The following LOC400499 variants were observed in gnomAD, a reference collection of about 807,000 sequenced individuals.
At chr16:11,379,206 C>G in the LOC400499 span, among the ~76,000 whole-genome samples, 5 of 152,200 alleles carry the variant, frequency 3.3e-5, no homozygotes, top group African/African-American at 1.2e-4. Flanking sequence ...CGTTATCATG[C>G]CACTGCACTC....
At chr16:11,409,029 G>C in the LOC400499 span, among the ~76,000 whole-genome samples, 1 of 151,998 alleles carries the variant, frequency 6.6e-6, no homozygotes, top group Non-Finnish European at 1.5e-5. Flanking sequence ...GGGAGGCTGA[G>C]GTGGGCAGAT....
At chr16:11,483,912 T>A in the LOC400499 span, among the ~76,000 whole-genome samples, 1 of 150,668 alleles carries the variant, frequency 6.6e-6, no homozygotes, top group Admixed American at 6.6e-5. Context: ...TTACATAATA[T>A]TCTAGAATAT....
At chr16:11,471,728 C>A in the LOC400499 span, 1 of 399,160 alleles carries the variant, frequency 2.5e-6, no homozygotes, top group Non-Finnish European at 4.4e-6. Flanking sequence ...AGCGTCACGG[C>A]CGCGAACACA....
the LOC400499 span, chr16:11,470,552 A>C: frequency 6.6e-6 from 1 of 152,208 alleles, no homozygotes; most frequent in African/African-American, 2.4e-5. Flanking sequence ...GGGGAAGTGC[A>C]GCCTCAGCCA....
At chr16:11,375,984 C>G in the LOC400499 span, among the ~76,000 whole-genome samples, 1 of 152,222 alleles carries the variant, frequency 6.6e-6, no homozygotes, top group Non-Finnish European at 1.5e-5. Context: ...GGTGATCCAC[C>G]TGCCTCGGGC....
At chr16:11,416,731 C>G in the LOC400499 span, among the ~76,000 whole-genome samples, 1 of 152,052 alleles carries the variant, frequency 6.6e-6, no homozygotes, top group Non-Finnish European at 1.5e-5. Context: ...GGAAAAATAC[C>G]TAAGGGAGGT....
the LOC400499 span, among the ~76,000 whole-genome samples, chr16:11,459,691 A>G: frequency 6.6e-6 from 1 of 152,214 alleles, no homozygotes; most frequent in Non-Finnish European, 1.5e-5. Context: ...CCCTCCTGCC[A>G]GTCCTTGGCA....
At chr16:11,493,270 C>T in the LOC400499 span, among the ~76,000 whole-genome samples, 3 of 151,516 alleles carry the variant, frequency 2.0e-5, no homozygotes, top group Non-Finnish European at 4.4e-5. Context: ...TGACTTGACT[C>T]TGCAGGTGGA....
chr16:11,512,471 T>C, the LOC400499 span, among the ~76,000 whole-genome samples: 115 of 151,522 alleles, frequency 7.6e-4, 1 homozygote, highest in Non-Finnish European at 1.2e-3. Flanking sequence ...GGCATGGTGG[T>C]GCACACCTAT....
the LOC400499 span, chr16:11,441,134 G>T: frequency 2.5e-6 from 1 of 398,690 alleles, no homozygotes; most frequent in Non-Finnish European, 4.4e-6. Context: ...CTATGTGCCT[G>T]CAGAAGCTAC....
chr16:11,515,125 G>T, the LOC400499 span, among the ~76,000 whole-genome samples: 3 of 152,076 alleles, frequency 2.0e-5, no homozygotes, highest in Non-Finnish European at 2.9e-5. Context: ...GGGCAACATA[G>T]CAAGACATTA....
the LOC400499 span, among the ~76,000 whole-genome samples, chr16:11,396,006 C>CT: frequency 6.6e-6 from 1 of 152,152 alleles, no homozygotes; most frequent in Non-Finnish European, 1.5e-5. Context: ...CCCAGGGCTG[C>CT]TGGGAGTAAG....
chr16:11,514,007 T>C, the LOC400499 span, among the ~76,000 whole-genome samples: 9 of 152,186 alleles, frequency 5.9e-5, no homozygotes, highest in African/African-American at 2.2e-4. Flanking sequence ...GAATGCTATG[T>C]GTTAGCAGGA....
chr16:11,416,257 T>C, the LOC400499 span, among the ~76,000 whole-genome samples: 1 of 151,866 alleles, frequency 6.6e-6, no homozygotes, highest in East Asian at 1.9e-4. Flanking sequence ...GCCCCCAAAA[T>C]AAAAAAATTT....
chr16:11,480,961 A>G, the LOC400499 span, among the ~76,000 whole-genome samples: 1 of 152,250 alleles, frequency 6.6e-6, no homozygotes. Context: ...AATGTCCATC[A>G]GTGAATGAAT....
At chr16:11,495,263 C>A in the LOC400499 span, among the ~76,000 whole-genome samples, 4 of 151,926 alleles carry the variant, frequency 2.6e-5, no homozygotes, top group African/African-American at 9.7e-5. Context: ...ATGTGGCCCA[C>A]GACTCAGACG....
the LOC400499 span, among the ~76,000 whole-genome samples, chr16:11,389,815 T>A: frequency 2.0e-5 from 3 of 151,792 alleles, no homozygotes; most frequent in African/African-American, 7.3e-5. Context: ...TGTAGATGAC[T>A]TCCTTGTGCT....
the LOC400499 span, among the ~76,000 whole-genome samples, chr16:11,505,459 T>C: frequency 7.3e-6 from 1 of 136,196 alleles, no homozygotes; most frequent in South Asian, 2.5e-4. Context: ...TTTTTTTTTT[T>C]TTTTTTTTTT....
At chr16:11,512,497 G>C in the LOC400499 span, among the ~76,000 whole-genome samples, 6 of 151,932 alleles carry the variant, frequency 3.9e-5, no homozygotes, top group Non-Finnish European at 8.8e-5. Flanking sequence ...CAGGTACTCA[G>C]AGGCTGAGGC....
Sources: gnomAD v4.1 joint callset for allele counts (sites outside exome capture counted in the v4.1 genomes callset) on GRCh38, gnomAD v4.1.1 for gene constraint, MANE v1.5 for transcripts.